Variants in KIAA1549L observed in about 807,000 individuals in gnomAD.
The protein encoded by KIAA1549L is UPF0606 protein KIAA1549L.
KIAA1549L carries 88 observed loss-of-function variants against 160.7 expected under a neutral mutation model. That is an observed-to-expected ratio of 0.55 (90% CI 0.46 to 0.65). KIAA1549L has a LOEUF of 0.65. Among genes scored for constraint, KIAA1549L ranks in the 30% least tolerant of loss-of-function variants. The pLI is 0.00. For synonymous variants in KIAA1549L, 950 were observed against 976.7 expected, an observed-to-expected ratio of 0.97 and a Z score of 0.51; for missense variants, 2,258 against 2,437.5, an observed-to-expected ratio of 0.93 and a Z score of 1.55.
chr11:33,508,807 A>G (rs1351660177), intron 1 of KIAA1549L, among the ~76,000 whole-genome samples: 1 of 152,168 alleles, frequency 6.6e-6, no homozygotes, highest in Non-Finnish European at 1.5e-5. Flanking sequence ...GTTTGAAGAG[A>G]GTGGAAGCCT....
chr11:33,455,617 T>C (rs1394806137), intron 1 of KIAA1549L, among the ~76,000 whole-genome samples: 2 of 152,238 alleles, frequency 1.3e-5, no homozygotes, highest in Non-Finnish European at 2.9e-5. Context: ...AGAAAAATAC[T>C]GTATCTGAAT....
chr11:33,441,616 C>T (rs2132947151), intron 1 of KIAA1549L, among the ~76,000 whole-genome samples: 1 of 152,296 alleles, frequency 6.6e-6, no homozygotes, highest in Admixed American at 6.5e-5. Flanking sequence ...GCCATTCTAA[C>T]TTGTGTGAGA....
At chr11:33,453,769 G>T (rs1851768005) in intron 1 of KIAA1549L, among the ~76,000 whole-genome samples, 1 of 152,176 alleles carries the variant, frequency 6.6e-6, no homozygotes. Flanking sequence ...TCAAGCATCT[G>T]CAGTTTCTGC....
intron 1 of KIAA1549L, among the ~76,000 whole-genome samples, chr11:33,448,329 C>T (rs546111209): frequency 9.7e-4 from 147 of 152,188 alleles, no homozygotes; most frequent in Middle Eastern, 3.4e-3. Context: ...ACATGAATAC[C>T]AGGGATGTAT....
chr11:33,559,999 C>T (rs1854790914), intron 7 of KIAA1549L, 88 bp downstream of exon 7: 1 of 446,330 alleles, frequency 2.2e-6, no homozygotes, highest in Non-Finnish European at 3.1e-6. Context: ...AGGCCACATA[C>T]TACCACCTTT....
chr11:33,652,738 A>G (rs1851934037), intron 17 of KIAA1549L, among the ~76,000 whole-genome samples: 1 of 152,196 alleles, frequency 6.6e-6, no homozygotes. Flanking sequence ...ATTGATAGTC[A>G]TGGAGGGTAA....
chr11:33,568,085 G>T lies in KIAA1549L; in HGVS notation c.4088G>T (p.Gly1363Val), dbSNP rs1270810838. 2 of 1,610,712 alleles carry T rather than the reference G, an allele frequency of 1.2e-6. No individual in the cohort carries two copies. The highest frequency in any genetic ancestry group is 8.5e-7 in the Non-Finnish European group (1 of 1,178,496). ...RDYWVITVLQ[G>V]VDNSLVGLHN... ...CCTTCTGCATCCACAGTGCTGCAGG[G>T]TGTGGACAATTCGCTGGTGGGCCTG... is the stretch of plus-strand genomic sequence containing the variant. Residue 1363 changes from glycine (G) to valine (V), a missense_variant, in exon 9 of 21, where the codon GGT becomes GTT. By Grantham distance (109) the Gly-to-Val change is moderately radical (BLOSUM62 -3). Coordinates refer to ENST00000658780, the MANE Select transcript of KIAA1549L (RefSeq NM_012194.3).
chr11:33,545,058 A>T lies in KIAA1549L; in HGVS notation c.3065A>T (p.His1022Leu). 1 of 1,614,054 alleles carries T rather than the reference A, an allele frequency of 6.2e-7. No individual in the cohort carries two copies. Among genetic ancestry groups the T allele is most frequent in the South Asian group, 1.1e-5 (1 of 91,088 alleles). ...YARTGHTTST[H>L]TAMQGNMDTA... ...AGAACAGGACATACCACGAGCACAC[A>T]TACAGCCATGCAAGGAAACATGGAC... The change falls in exon 3 of 21, where the codon CAT (histidine) becomes CTT (leucine). Residue 1022 changes from histidine (H) to leucine (L), a missense_variant. Physicochemically the swap from His to Leu is moderately conservative, Grantham distance 99 (BLOSUM62 -3). Around this residue, in one of 6 missense-constraint regions of KIAA1549L, gnomAD observed 1,359 missense variants for 1,546.6 expected, o/e 0.88. Transcript: ENST00000658780.
chr11:33,381,041 C>T (rs555568389), intron 1 of KIAA1549L, among the ~76,000 whole-genome samples: 51 of 151,796 alleles, frequency 3.4e-4, no homozygotes, highest in African/African-American at 1.2e-3. Flanking sequence ...TGTTCGTTAC[C>T]GTTACCTCAG....
At chr11:33,563,441 G>A (rs1397454303) in intron 8 of KIAA1549L, among the ~76,000 whole-genome samples, 1 of 151,468 alleles carries the variant, frequency 6.6e-6, no homozygotes, top group East Asian at 1.9e-4. Flanking sequence ...TGGAAGATGT[G>A]CCTGGGTAAG....
At chr11:33,538,567 T>C (rs539780171) in intron 1 of KIAA1549L, among the ~76,000 whole-genome samples, 1 of 152,302 alleles carries the variant, frequency 6.6e-6, no homozygotes, top group East Asian at 1.9e-4. Flanking sequence ...CCTGATCCCC[T>C]TGAAAATCAA....
chr11:33,383,749 G>A (rs1850119148), intron 1 of KIAA1549L, among the ~76,000 whole-genome samples: 1 of 152,206 alleles, frequency 6.6e-6, no homozygotes, highest in African/African-American at 2.4e-5. Context: ...AGGACAGCAA[G>A]TGCCTGCGTT....
intron 1 of KIAA1549L, among the ~76,000 whole-genome samples, chr11:33,390,544 G>A (rs756528177): frequency 1.3e-5 from 2 of 152,190 alleles, no homozygotes; most frequent in Non-Finnish European, 1.5e-5. Context: ...CTGCAATCTG[G>A]CCAATGGAAT....
intron 1 of KIAA1549L, among the ~76,000 whole-genome samples, chr11:33,437,142 AG>A (rs1001154144): frequency 6.6e-6 from 1 of 152,174 alleles, no homozygotes; most frequent in Non-Finnish European, 1.5e-5. Context: ...TGCTGGGATG[AG>A]TATGTTAATT....
chr11:33,471,789 G>T (rs1486909808), intron 1 of KIAA1549L, among the ~76,000 whole-genome samples: 1 of 152,188 alleles, frequency 6.6e-6, no homozygotes, highest in Non-Finnish European at 1.5e-5. Flanking sequence ...TGCAGATCTG[G>T]CATGGACTCT....
chr11:33,417,656 C>T (rs768061553), intron 1 of KIAA1549L, among the ~76,000 whole-genome samples: 7 of 152,154 alleles, frequency 4.6e-5, no homozygotes, highest in South Asian at 2.1e-4. Context: ...CTCACATCCT[C>T]GGGTTTCTGC....
At chr11:33,607,574 A>G (rs1266644118) in intron 14 of KIAA1549L, among the ~76,000 whole-genome samples, 1 of 152,250 alleles carries the variant, frequency 6.6e-6, no homozygotes, top group Non-Finnish European at 1.5e-5. Flanking sequence ...TGTGTGCCCA[A>G]GCATGTACAC....
rs1002365916 is a variant in KIAA1549L at position 33,618,672 on chromosome 11, T to C, written c.5409+10T>C. 3.2e-6 allele frequency: 5 copies of C among 1,564,560 alleles called. No homozygotes were observed. The highest frequency in any genetic ancestry group is 2.7e-5 in the African/African-American group (2 of 73,894). The stretch of plus-strand genomic sequence containing the variant: ...CAACAGCGGATACGATGTGAGTCTC[T>C]GGTGGGCTGGGTAAATACAAGCTTT... On this transcript the variant is annotated intron_variant, in intron 16 of 20. Transcript: ENST00000658780.
At chr11:33,465,043 C>CTTT (rs1484186036) in intron 1 of KIAA1549L, among the ~76,000 whole-genome samples, 5 of 117,994 alleles carry the variant, frequency 4.2e-5, no homozygotes, top group African/African-American at 1.8e-4. Context: ...ATGGGACCTT[C>CTTT]TTCTTTTTTT....
Sources: allele counts gnomAD v4.1 joint callset (sites outside exome capture counted in the v4.1 genomes callset), GRCh38; gene constraint gnomAD v4.1.1; regional missense constraint gnomAD v4.1.1; transcripts MANE v1.5; gene names NCBI Gene and HGNC (gene_info 2026-07-23, HGNC 2026-07-21).